Variants in CCSER1 observed in about 807,000 individuals in gnomAD.
CCSER1 encodes serine-rich coiled-coil domain-containing protein 1.
A neutral mutation model predicts 82.0 loss-of-function variants in CCSER1; 41 were observed. That is an observed-to-expected ratio of 0.50 (90% CI 0.39 to 0.65). The LOEUF (loss-of-function observed/expected upper bound fraction) is 0.65, where lower values mean the gene tolerates loss of function less well. CCSER1 is among the 30% of genes least tolerant of loss of function. The probability of loss-of-function intolerance (pLI) is 0.00; values close to 1 mark genes in which losing one functional copy is unlikely to be tolerated. For missense variants in CCSER1, 1,119 were observed against 1,064.2 expected, an observed-to-expected ratio of 1.05 and a Z score of -0.72; for synonymous variants, 414 against 383.9, an observed-to-expected ratio of 1.08 and a Z score of -0.92.
At chr4:90,244,138 T>C (rs1403454523) in intron 1 of CCSER1, among the ~76,000 whole-genome samples, 1 of 152,208 alleles carries the variant, frequency 6.6e-6, no homozygotes, top group Non-Finnish European at 1.5e-5. Context: ...TTTCTCTTAA[T>C]GAGAGAGGCT....
rs188383802 is a variant in CCSER1 at position 91,074,128 on chromosome 4, A to G, written c.2173-11822A>G. Among the ~76,000 whole-genome samples the G allele has an allele frequency of 2.6e-5, 4 of 152,308 alleles. No individual in the cohort carries two copies. The East Asian group carries it at 7.7e-4, about 29-fold the overall frequency. On this transcript the variant is annotated intron_variant, in intron 9 of 10. Transcript: ENST00000509176. ...ATAGCAAGAACTAATAAGGGGTTGC[A>G]TTTTATTTTGTCTAAAGAGATCAGT... is the stretch of plus-strand genomic sequence containing the variant.
rs1302089145 is a variant in CCSER1, at chr4:91,488,582, C to T, written c.2218-109990C>T. Among the ~76,000 whole-genome samples, 6 of 152,044 alleles carry T rather than the reference C, an allele frequency of 3.9e-5. No homozygotes were observed. The East Asian group carries it at 7.7e-4, about 20-fold the overall frequency. On this transcript the variant is annotated intron_variant, in intron 10 of 10. Transcript: ENST00000509176. Reference sequence around the variant, plus strand: ...TCTCAGGATAGTGAGTGAGTTAGCACGAGAACTGGTTGTTTAAAAGTGTGT... The same window carrying T: ...TCTCAGGATAGTGAGTGAGTTAGCATGAGAACTGGTTGTTTAAAAGTGTGT...
chr4:91,362,574 G>A (rs1054050434), intron 10 of CCSER1, among the ~76,000 whole-genome samples: 2 of 151,804 alleles, frequency 1.3e-5, no homozygotes, highest in African/African-American at 4.8e-5. Context: ...GCTAATTAAT[G>A]CAGGAAGTAT....
chr4:90,691,499 CGT>C lies in CCSER1; in HGVS notation c.1933-32410_1933-32409del, dbSNP rs1426998462. Among the ~76,000 whole-genome samples the C allele has an allele frequency of 6.6e-5, 10 of 151,476 alleles. No individual in the cohort carries two copies. In the East Asian group the frequency reaches 7.8e-4, roughly 12 times the overall value. ...GTATTATATATCACATGTATATAAA[CGT>C]GTGTATATATTACATGTGTACATAT... On this transcript the variant is annotated intron_variant, in intron 6 of 10. Transcript: ENST00000509176.
chr4:90,860,966 T>G (rs1765014261), intron 8 of CCSER1, among the ~76,000 whole-genome samples: 2 of 151,566 alleles, frequency 1.3e-5, no homozygotes, highest in Admixed American at 6.6e-5. Context: ...CTGACTATAC[T>G]AAAAACCACT....
At position 90,216,669 on chromosome 4, in the gene CCSER1, G is replaced by A. The variant is rs552556197; in HGVS notation, c.-42+88838G>A. On this transcript the variant is annotated intron_variant, in intron 1 of 10. Transcript: ENST00000509176. ...CCAGTACCATCCTGTTTTGGCTACT[G>A]TAGCATTATAGTATAGTTTGAAGTC... Among the ~76,000 whole-genome samples the A allele has an allele frequency of 4.6e-5, 7 of 152,212 alleles. No individual in the cohort carries two copies. In the East Asian group the frequency reaches 1.3e-3, roughly 29 times the overall value.
Position 91,442,236 on chromosome 4 carries a change from G to A in CCSER1, c.2218-156336G>A, listed in dbSNP as rs561113229. On this transcript the variant is annotated intron_variant, in intron 10 of 10. Transcript: ENST00000509176. ...ACTTCAAACTATTCTACAAGGCTACGGTAACCAAAACAGCATGGTACTGGT... is the reference window on the plus strand; with the variant it reads ...ACTTCAAACTATTCTACAAGGCTACAGTAACCAAAACAGCATGGTACTGGT... Among the ~76,000 whole-genome samples the A allele has an allele frequency of 6.4e-3, 974 of 151,562 alleles. 5 individuals are homozygous for A. Among genetic ancestry groups the A allele is most frequent in the South Asian group, 0.01 (49 of 4,772 alleles).
At chr4:90,393,484 C>G (rs146105714) in intron 3 of CCSER1, among the ~76,000 whole-genome samples, 1 of 152,120 alleles carries the variant, frequency 6.6e-6, no homozygotes, top group Admixed American at 6.5e-5. Context: ...TTTAAATAAT[C>G]CTCTCCATTT....
chr4:91,029,599 G>T (rs1740796175), intron 9 of CCSER1, among the ~76,000 whole-genome samples: 2 of 152,098 alleles, frequency 1.3e-5, no homozygotes, highest in African/African-American at 4.8e-5. Context: ...TACATGACCT[G>T]TTTTTCAAAG....
At chr4:90,887,098 C>A (rs558928689) in intron 8 of CCSER1, among the ~76,000 whole-genome samples, 1 of 152,030 alleles carries the variant, frequency 6.6e-6, no homozygotes, top group African/African-American at 2.4e-5. Flanking sequence ...TTTTTAATTC[C>A]ATTTTTTAGG....
At chr4:91,212,973 A>T (rs1396284494) in intron 10 of CCSER1, among the ~76,000 whole-genome samples, 1 of 152,138 alleles carries the variant, frequency 6.6e-6, no homozygotes, top group South Asian at 2.1e-4. Context: ...TCCCACTTAT[A>T]AGTGAGAACA....
chr4:91,275,520 T>G (rs758058824), intron 10 of CCSER1, among the ~76,000 whole-genome samples: 2 of 152,176 alleles, frequency 1.3e-5, no homozygotes, highest in Non-Finnish European at 2.9e-5. Context: ...GTGGGTTTAT[T>G]TAGCTTTTCT....
intron 1 of CCSER1, among the ~76,000 whole-genome samples, chr4:90,175,220 AAAC>A (rs1560744367): frequency 2.6e-5 from 4 of 152,014 alleles, no homozygotes; most frequent in Non-Finnish European, 5.9e-5. Flanking sequence ...GGTGAATGTC[AAAC>A]TAGTTATGCT....
chr4:90,257,903 G>GCCCT (rs1723642801), intron 1 of CCSER1, among the ~76,000 whole-genome samples: 1 of 152,162 alleles, frequency 6.6e-6, no homozygotes, highest in East Asian at 1.9e-4. Context: ...AAGGCAATCC[G>GCCCT]ATTGATTCAG....
chr4:91,366,170 C>T (rs1300199438), intron 10 of CCSER1, among the ~76,000 whole-genome samples: 1 of 152,084 alleles, frequency 6.6e-6, no homozygotes, highest in South Asian at 2.1e-4. Flanking sequence ...AGGCGCACCA[C>T]CTCCACGCCC....
chr4:91,571,126 C>G (rs975515815), intron 10 of CCSER1, among the ~76,000 whole-genome samples: 1 of 152,160 alleles, frequency 6.6e-6, no homozygotes, highest in Non-Finnish European at 1.5e-5. Context: ...ACTTCATTGT[C>G]CATATCACCA....
At chr4:91,164,486 G>C in intron 10 of CCSER1, among the ~76,000 whole-genome samples, 1 of 152,094 alleles carries the variant, frequency 6.6e-6, no homozygotes, top group East Asian at 1.9e-4. Context: ...TACCTTGCTA[G>C]GTTGGGGAAG....
chr4:91,599,803 A>G lies in CCSER1; in HGVS notation c.*746A>G, dbSNP rs1270100093. 1.3e-5 allele frequency: 2 copies of G among 152,198 alleles called. No homozygotes were observed. The highest frequency in any genetic ancestry group is 2.9e-5 in the Non-Finnish European group (2 of 68,022). The allele number at this position is 152,198 out of a possible 1,614,324, so 9.4% of individuals were successfully genotyped here. ...TGATGTTGAAGTACCGTGACATAAC[A>G]CAAGGTGATAAAGTTGGTTGAATTT... On this transcript the variant is annotated 3_prime_UTR_variant, in exon 11 of 11. Transcript: ENST00000509176.
At chr4:91,488,535 G>A (rs142684238) in intron 10 of CCSER1, among the ~76,000 whole-genome samples, 3 of 152,268 alleles carry the variant, frequency 2.0e-5, no homozygotes, top group East Asian at 1.9e-4. Context: ...CAGATCATGA[G>A]AGCAGATTTC....
Sources: allele counts gnomAD v4.1 joint callset (sites outside exome capture counted in the v4.1 genomes callset), GRCh38; gene constraint gnomAD v4.1.1; transcripts MANE v1.5; gene names NCBI Gene and HGNC (gene_info 2026-07-23, HGNC 2026-07-21).